LRPPRC: variants seen among roughly 807,000 people sequenced by gnomAD.
LRPPRC encodes the protein leucine-rich PPR motif-containing protein, mitochondrial.
In LRPPRC, 120 loss-of-function variants were observed where a neutral mutation model predicts 180.3. The ratio of observed to expected loss-of-function variants is 0.67; its 90% CI spans 0.57 to 0.77. The LOEUF is 0.77. LRPPRC is among the 30% of genes least tolerant of loss of function. LRPPRC has a pLI of 0.00. For missense variants in LRPPRC, 2,012 were observed against 1,657.2 expected (o/e 1.21, Z -3.72); for synonymous variants, 723 against 600.0 (o/e 1.21, Z -3.00).
chr2:43,964,960 T>C (rs1673491649), intron 11 of LRPPRC, among the ~76,000 whole-genome samples: 1 of 152,214 alleles, frequency 6.6e-6, no homozygotes, highest in Non-Finnish European at 1.5e-5. Context: ...GCAGGAGGAC[T>C]GCTTGAGCCC....
chr2:43,889,329 A>AAG (rs1670395516), intron 37 of LRPPRC, among the ~76,000 whole-genome samples: 1 of 150,908 alleles, frequency 6.6e-6, no homozygotes, highest in Admixed American at 6.6e-5. Context: ...AAAAAAAAAA[A>AAG]AAAAAAAAAA....
chr2:43,942,446 T>C (rs932550978), intron 23 of LRPPRC, among the ~76,000 whole-genome samples: 2 of 152,132 alleles, frequency 1.3e-5, no homozygotes, highest in Admixed American at 6.6e-5. Flanking sequence ...ACTATTTCTT[T>C]AAAAGGATGT....
intron 29 of LRPPRC, 86 bp downstream of exon 29, chr2:43,917,939 T>C (rs1433089497): frequency 7.8e-6 from 7 of 892,874 alleles, no homozygotes; most frequent in Middle Eastern, 2.9e-4. Flanking sequence ...CCTAGAGCAC[T>C]TCTAATTGGT....
Position 43,901,594 on chromosome 2 carries a change from AGC to A in LRPPRC, c.3365-72_3365-71del. On this transcript the variant is annotated intron_variant, in intron 31 of 37. Coordinates refer to ENST00000260665, the MANE Select transcript of LRPPRC (RefSeq NM_133259.4). Reference sequence around the variant, plus strand: ...CTGACTTTAATGCATTTTGAAAACCAGCTTTTAAATATGAGCACCAAATGGCC... The same window carrying A: ...CTGACTTTAATGCATTTTGAAAACCATTTTAAATATGAGCACCAAATGGCC... 3.1e-6 allele frequency: 3 copies of A among 971,510 alleles called. No homozygotes were observed. The Admixed American group carries it at 5.5e-5, about 18-fold the overall frequency. The allele number at this position is 971,510 out of a possible 1,614,324, so 60.2% of individuals were successfully genotyped here. A position where few individuals can be genotyped will look rare whatever the true frequency, so the allele number is the denominator to read the frequency against.
chr2:43,916,825 G>A (rs1671485628), intron 29 of LRPPRC, among the ~76,000 whole-genome samples: 1 of 151,432 alleles, frequency 6.6e-6, no homozygotes, highest in South Asian at 2.1e-4. Flanking sequence ...TGTGCCTATG[G>A]TCCCAGCTAC....
At chr2:43,903,764 T>C (rs1373839656) in intron 31 of LRPPRC, 1 of 152,162 alleles carries the variant, frequency 6.6e-6, no homozygotes, top group Non-Finnish European at 1.5e-5. Flanking sequence ...GAAATCTGGG[T>C]CAGGTTCAGC....
In LRPPRC at chr2:43,946,205, T is replaced by C. The variant is rs118188415; in HGVS notation, c.2118A>G (p.Glu706=). The C allele has an allele frequency of 5.0e-4, 812 of 1,611,620 alleles. 5 individuals carry two copies. In the East Asian group the frequency reaches 0.014, roughly 28 times the overall value. Residue 706 remains glutamate, a synonymous_variant, in exon 21 of 38, where the codon GAA becomes GAG. Coordinates refer to ENST00000260665, the MANE Select transcript of LRPPRC (RefSeq NM_133259.4). ...CATAGCCACCAGTAACCATGTCGGA[T>C]TCATATTTTGCTTTCAATTCAAGGG... ...QKALELKAKY[E]SDMVTGGYAA... is the part of the protein sequence containing the mutation.
intron 1 of LRPPRC, among the ~76,000 whole-genome samples, chr2:43,993,525 A>T (rs1327704175): frequency 6.6e-6 from 1 of 152,172 alleles, no homozygotes; most frequent in East Asian, 1.9e-4. Flanking sequence ...AGACTGAGAA[A>T]CTTCTAGAGT....
intron 23 of LRPPRC, among the ~76,000 whole-genome samples, chr2:43,939,528 T>C (rs560199699): frequency 1.3e-4 from 20 of 151,976 alleles, no homozygotes; most frequent in Non-Finnish European, 2.6e-4. Context: ...CAAACTGAAC[T>C]CCTTAAAAAC....
At chr2:43,969,335 C>A (rs1673700754) in intron 11 of LRPPRC, among the ~76,000 whole-genome samples, 1 of 151,792 alleles carries the variant, frequency 6.6e-6, no homozygotes. Context: ...TGGCGTGAAC[C>A]CAGGAGGCAG....
At position 43,995,380 on chromosome 2, in the gene LRPPRC, T is replaced by G. The variant is rs189405025; in HGVS notation, c.149+419A>C. On this transcript the variant is annotated intron_variant, in intron 1 of 37. Coordinates refer to ENST00000260665, the MANE Select transcript of LRPPRC (RefSeq NM_133259.4). ...CCCCATCCCTCGCAAAAAGCTAAAT[T>G]TCCAATATCTAAATGCTAGGTGGTT... Among the ~76,000 whole-genome samples, 401 of 152,158 alleles carry G rather than the reference T, an allele frequency of 2.6e-3. 2 individuals carry two copies. The highest frequency in any genetic ancestry group is 9.0e-3 in the African/African-American group (373 of 41,478).
In LRPPRC at chr2:43,970,853, A is replaced by G. The variant is rs187596865; in HGVS notation, c.1369+2754T>C. On this transcript the variant is annotated intron_variant, in intron 11 of 37. Coordinates refer to ENST00000260665, the MANE Select transcript of LRPPRC (RefSeq NM_133259.4). ...GGTGGCTCACGCCTATAATCCCAGC[A>G]TTTTGGGAGGCTGTGGCGGGTGATC... 3.4e-3 allele frequency among the ~76,000 whole-genome samples: 524 copies of G among 152,316 alleles called. 1 individual carries two copies. The highest frequency in any genetic ancestry group is 4.9e-3 in the Non-Finnish European group (334 of 68,010).
chr2:43,917,787 T>A (rs1671527615), intron 29 of LRPPRC, among the ~76,000 whole-genome samples: 1 of 151,824 alleles, frequency 6.6e-6, no homozygotes, highest in South Asian at 2.1e-4. Context: ...AGACTTCATC[T>A]CAAAAAAAAT....
chr2:43,947,344 C>T lies in LRPPRC; in HGVS notation c.1992G>A (p.Leu664=). Residue 664 remains leucine, a synonymous_variant, in exon 20 of 38, where the codon TTG becomes TTA. Transcript: ENST00000260665. ...CTTTTAGTGTTTCAAGTGTGGACTC[C>T]AATTCAGATGATGTAAGTTGCACAG... The part of the protein sequence containing the change: ...QKTVQLTSSE[L]ESTLETLKAE... The T allele has an allele frequency of 6.3e-7, 1 of 1,595,738 alleles. No individual in the cohort carries two copies. The highest frequency in any genetic ancestry group is 8.6e-7 in the Non-Finnish European group (1 of 1,164,704).
intron 30 of LRPPRC, among the ~76,000 whole-genome samples, chr2:43,909,096 T>A (rs1671163986): frequency 6.6e-6 from 1 of 152,184 alleles, no homozygotes; most frequent in South Asian, 2.1e-4. Context: ...CCACAAAATA[T>A]CTCTTGAAAT....
Position 43,888,135 on chromosome 2 carries a change from A to C in LRPPRC, c.*465T>G. 1 of 184,198 alleles carries C rather than the reference A, an allele frequency of 5.4e-6. No homozygotes were observed. Among genetic ancestry groups the C allele is most frequent in the Admixed American group, 5.5e-5 (1 of 18,340 alleles). 11.4% of individuals were successfully genotyped at this position (184,198 alleles called of 1,614,324 possible). On this transcript the variant is annotated 3_prime_UTR_variant, in exon 38 of 38. Coordinates refer to ENST00000260665, the MANE Select transcript of LRPPRC (RefSeq NM_133259.4). Reference sequence around the variant, plus strand: ...CTGATGACTCCTAGTGCCAACATTTAACAAAGTTCGAAAGTTATGCAGGAC... The same window carrying C: ...CTGATGACTCCTAGTGCCAACATTTCACAAAGTTCGAAAGTTATGCAGGAC...
intron 23 of LRPPRC, among the ~76,000 whole-genome samples, chr2:43,935,541 AT>A (rs1672245630): frequency 6.6e-6 from 1 of 152,192 alleles, no homozygotes; most frequent in African/African-American, 2.4e-5. Flanking sequence ...TTTAAAAATT[AT>A]TTCCAATTAC....
At chr2:43,923,745 A>G (rs1244507298) in intron 27 of LRPPRC, among the ~76,000 whole-genome samples, 1 of 150,196 alleles carries the variant, frequency 6.7e-6, no homozygotes, top group Non-Finnish European at 1.5e-5. Context: ...ATAGTCTTCC[A>G]TGAGGACTAC....
At chr2:43,918,832 G>A (rs1398084809) in intron 27 of LRPPRC, among the ~76,000 whole-genome samples, 3 of 144,172 alleles carry the variant, frequency 2.1e-5, no homozygotes, top group African/African-American at 5.1e-5. Context: ...TCTATATATA[G>A]ATATCTCTAT....
Sources: gnomAD v4.1 joint callset for allele counts (sites outside exome capture counted in the v4.1 genomes callset) on GRCh38, gnomAD v4.1.1 for gene constraint, MANE v1.5 for transcripts, NCBI Gene and HGNC (gene_info 2026-07-23, HGNC 2026-07-21) for gene names.